Variants in SCARB1 observed in about 807,000 individuals in gnomAD.
The protein encoded by SCARB1 is CD36 and LIMPII analogous 1.
Under a neutral mutation model 57.2 loss-of-function variants are expected in SCARB1, and 30 were observed. The ratio of observed to expected loss-of-function variants is 0.52; its 90% CI spans 0.39 to 0.71. The LOEUF is 0.71. SCARB1 is among the 30% of genes least tolerant of loss of function. SCARB1 has a pLI of 0.00. For synonymous variants in SCARB1, 249 were observed against 268.3 expected, an observed-to-expected ratio of 0.93 and a Z score of 0.70; for missense variants, 543 against 671.2, an observed-to-expected ratio of 0.81 and a Z score of 2.11.
chr12:124,849,799 A>G (rs1256317165), intron 1 of SCARB1, among the ~76,000 whole-genome samples: 2 of 152,246 alleles, frequency 1.3e-5, no homozygotes, highest in East Asian at 1.9e-4. Flanking sequence ...ACAGTGATTC[A>G]TGAATGTAAT....
At chr12:124,862,655 G>T (rs570824698) in intron 1 of SCARB1, among the ~76,000 whole-genome samples, 194 of 150,318 alleles carry the variant, frequency 1.3e-3, no homozygotes, top group Non-Finnish European at 2.3e-3. Context: ...ATAAGAGTGA[G>T]CCCCAGTTTC....
At chr12:124,838,428 C>T (rs1951778589) in intron 1 of SCARB1, among the ~76,000 whole-genome samples, 1 of 152,182 alleles carries the variant, frequency 6.6e-6, no homozygotes, top group Admixed American at 6.5e-5. Context: ...TATAAACATG[C>T]CTCAGGGAAC....
At chr12:124,825,437 G>A (rs1234051178) in intron 1 of SCARB1, among the ~76,000 whole-genome samples, 8 of 152,118 alleles carry the variant, frequency 5.3e-5, no homozygotes, top group African/African-American at 1.7e-4. Flanking sequence ...TTGGGAGGCC[G>A]AGGCGGGTGG....
In SCARB1 at chr12:124,817,731, C is replaced by T; in HGVS notation, c.127-24G>A. On this transcript the variant is annotated intron_variant, in intron 1 of 12. Transcript: ENST00000261693. This position sits in a 1 kb window ranked among gnomAD's most constrained non-coding sequence, Gnocchi z 4.8. ...TTCTGCAGGGGAAGGGACAAGTACG[C>T]TTGTGAGGAGAGTGATGAGGGCCCC... 1 of 1,613,888 alleles carries T rather than the reference C, an allele frequency of 6.2e-7. No homozygotes were observed. Among genetic ancestry groups the T allele is most frequent in the Middle Eastern group, 1.7e-4 (1 of 6,060 alleles).
intron 9 of SCARB1, 71 bp from the exon 10 acceptor site, chr12:124,787,528 T>C (rs755539458): frequency 6.7e-6 from 9 of 1,338,714 alleles, no homozygotes; most frequent in Non-Finnish European, 9.5e-6. Flanking sequence ...TCTGCTTGAA[T>C]ACAACATCTA....
At chr12:124,798,887 G>A (rs907548141) in intron 8 of SCARB1, among the ~76,000 whole-genome samples, 1 of 151,914 alleles carries the variant, frequency 6.6e-6, no homozygotes, top group Non-Finnish European at 1.5e-5. Context: ...GAAGCAGAGG[G>A]TAGAATACTG....
At chr12:124,837,563 GAA>G (rs879375354) in intron 1 of SCARB1, among the ~76,000 whole-genome samples, 1 of 42,276 alleles carries the variant, frequency 2.4e-5, no homozygotes, top group South Asian at 1.2e-3. Context: ...GAAAAGAAAA[GAA>G]AAGAAAAGAA....
chr12:124,843,386 G>C (rs1052727615), intron 1 of SCARB1, among the ~76,000 whole-genome samples: 2 of 151,998 alleles, frequency 1.3e-5, no homozygotes, highest in Non-Finnish European at 2.9e-5. Context: ...TGGGATTACA[G>C]GCATGAGCCA....
chr12:124,822,192 C>T lies in SCARB1; in HGVS notation c.127-4485G>A, dbSNP rs563132891. On this transcript the variant is annotated intron_variant, in intron 1 of 12. Transcript: ENST00000261693. The surrounding 1 kb of genome is among the most constrained non-coding windows in gnomAD (Gnocchi z 5.0). ...CACAGCCTGTGCAAAGGCTGGGAAG[C>T]CTTTAAGAGCGTGACTTGCCTGAAT... Among the ~76,000 whole-genome samples the T allele has an allele frequency of 1.6e-4, 24 of 152,188 alleles. No homozygotes were observed. Among genetic ancestry groups the T allele is most frequent in the African/African-American group, 5.5e-4 (23 of 41,504 alleles).
rs1229957429 is a variant in SCARB1 at position 124,817,515 on chromosome 12, C to T, written c.284+35G>A. On this transcript the variant is annotated intron_variant, in intron 2 of 12. Transcript: ENST00000261693. This position sits in a 1 kb window ranked among gnomAD's most constrained non-coding sequence, Gnocchi z 4.8. ...AGACCCCTCCCCTGCCCAGCCTCAG[C>T]CGGCCCCTCCACCCTCACCTGGACA... 6.2e-7 allele frequency: 1 copy of T among 1,609,524 alleles called. No individual in the cohort carries two copies. Among genetic ancestry groups the T allele is most frequent in the East Asian group, 2.2e-5 (1 of 44,870 alleles).
At position 124,786,499 on chromosome 12, in the gene SCARB1, C is replaced by A; in HGVS notation, c.1259G>T (p.Gly420Val). The A allele has an allele frequency of 1.2e-6, 2 of 1,614,074 alleles. No individual in the cohort carries two copies. The highest frequency in any genetic ancestry group is 1.7e-6 in the Non-Finnish European group (2 of 1,180,040). The part of the protein sequence containing the change: ...VLPLLWFAES[G>V]AMEGETLHTF... ...GTGAAGAGTCTCCCCCTCCATGGCC[C>A]CGCTCTGAGGAGACAGAATGACAAA... The change falls in exon 11 of 13, where the codon GGG becomes GTG. Residue 420 changes from glycine to valine, a missense_variant. By Grantham distance (109) the Gly-to-Val change is moderately radical. Coordinates refer to ENST00000261693, the MANE Select transcript of SCARB1 (RefSeq NM_005505.5).
chr12:124,781,962 G>T (rs746274170), intron 12 of SCARB1, among the ~76,000 whole-genome samples: 1 of 152,154 alleles, frequency 6.6e-6, no homozygotes, highest in Non-Finnish European at 1.5e-5. Context: ...CTGGAGTGCA[G>T]TGGCACGATC....
chr12:124,833,538 T>C (rs1489482632), intron 1 of SCARB1, among the ~76,000 whole-genome samples: 1 of 151,896 alleles, frequency 6.6e-6, no homozygotes, highest in Non-Finnish European at 1.5e-5. Flanking sequence ...CTGAGGAAGG[T>C]CACATATTCA....
chr12:124,863,794 C>T lies in SCARB1; in HGVS notation c.-74G>A, dbSNP rs1340660770. 2.2e-6 allele frequency: 3 copies of T among 1,380,462 alleles called. No individual in the cohort carries two copies. Among genetic ancestry groups the T allele is most frequent in the Non-Finnish European group, 2.8e-6 (3 of 1,071,952 alleles). 85.5% of individuals were successfully genotyped at this position (1,380,462 alleles called of 1,614,324 possible). A position where few individuals can be genotyped will look rare whatever the true frequency, so the allele number is the denominator to read the frequency against. On this transcript the variant is annotated 5_prime_UTR_variant, in exon 1 of 13. Coordinates refer to ENST00000261693, the MANE Select transcript of SCARB1 (RefSeq NM_005505.5). The stretch of plus-strand genomic sequence containing the variant: ...CAGGAGACGGGGACGGCGACAGAGA[C>T]GACACAGGCGGGGACTCCGGGCACG...
intron 1 of SCARB1, among the ~76,000 whole-genome samples, chr12:124,838,417 C>G (rs1017278966): frequency 6.6e-6 from 1 of 152,194 alleles, no homozygotes; most frequent in South Asian, 2.1e-4. Flanking sequence ...GGGCACCCGG[C>G]TATAAACATG....
In SCARB1 at chr12:124,778,559, C is replaced by A; in HGVS notation, c.*28G>T. On this transcript the variant is annotated 3_prime_UTR_variant, in exon 13 of 13. Transcript: ENST00000261693. ...GGCCGGTCAGGCCCAGCGGCCAGGC[C>A]TGGCTGGCTCACGGTGTCCTCAGGA... is the stretch of plus-strand genomic sequence containing the variant. 1 of 1,392,710 alleles carries A rather than the reference C, an allele frequency of 7.2e-7. No homozygotes were observed. Among genetic ancestry groups the A allele is most frequent in the Non-Finnish European group, 9.3e-7 (1 of 1,072,816 alleles). 86.3% of individuals were successfully genotyped at this position (1,392,710 alleles called of 1,614,324 possible).
At chr12:124,852,396 C>T (rs1364827288) in intron 1 of SCARB1, among the ~76,000 whole-genome samples, 1 of 152,216 alleles carries the variant, frequency 6.6e-6, no homozygotes, top group East Asian at 1.9e-4. Context: ...GGGCGTATGA[C>T]CTCCCTTACC....
chr12:124,844,692 G>T (rs950102332), intron 1 of SCARB1, among the ~76,000 whole-genome samples: 2 of 152,204 alleles, frequency 1.3e-5, no homozygotes, highest in Non-Finnish European at 2.9e-5. Flanking sequence ...GGCCGGGAGA[G>T]GGGTCTCCGG....
intron 8 of SCARB1, among the ~76,000 whole-genome samples, chr12:124,797,800 T>C (rs1949995515): frequency 6.6e-6 from 1 of 152,032 alleles, no homozygotes. Context: ...AGTCAGCGGC[T>C]AAGGAGGCCT....
Sources: gnomAD v4.1 joint callset for allele counts (sites outside exome capture counted in the v4.1 genomes callset) on GRCh38, gnomAD v4.1.1 for gene constraint, Gnocchi (gnomAD v3.1) non-coding constraint, MANE v1.5 for transcripts, NCBI Gene and HGNC (gene_info 2026-07-23, HGNC 2026-07-21) for gene names.